Variants in TMEM131L observed in about 807,000 individuals in gnomAD.
TMEM131L encodes transmembrane protein 131-like.
In TMEM131L, 54 loss-of-function variants were observed where a neutral mutation model predicts 192.2. The observed-to-expected ratio is 0.28, with a 90% CI of 0.23 to 0.35. TMEM131L has a LOEUF of 0.35. Ranked by LOEUF, TMEM131L falls within the 10% of genes least tolerant of loss-of-function variation. The pLI is 1.00. For synonymous variants in TMEM131L, 701 were observed against 704.9 expected (o/e 0.99, Z 0.09); for missense variants, 1,888 against 1,972.9 (o/e 0.96, Z 0.82).
intron 3 of TMEM131L, among the ~76,000 whole-genome samples, chr4:153,548,392 C>T (rs916847459): frequency 1.3e-5 from 2 of 152,152 alleles, no homozygotes; most frequent in Non-Finnish European, 2.9e-5. Flanking sequence ...GCAAGCTCTG[C>T]GTCCCGGGTT....
At chr4:153,574,455 T>C (rs2150657012) in intron 7 of TMEM131L, among the ~76,000 whole-genome samples, 1 of 152,192 alleles carries the variant, frequency 6.6e-6, no homozygotes, top group Non-Finnish European at 1.5e-5. Flanking sequence ...AGAATCTGAG[T>C]GTTATGTGGA....
intron 13 of TMEM131L, 142 bp from the exon 14 acceptor site, chr4:153,586,067 A>C (rs1004164917): frequency 2.6e-5 from 15 of 567,642 alleles, no homozygotes; most frequent in Non-Finnish European, 4.2e-5. Context: ...TTCTATAAAA[A>C]TATTCCAACT....
intron 3 of TMEM131L, among the ~76,000 whole-genome samples, chr4:153,480,169 C>G (rs1433888160): frequency 6.6e-6 from 1 of 152,188 alleles, no homozygotes; most frequent in Non-Finnish European, 1.5e-5. Flanking sequence ...GAAACCCCGT[C>G]TCTACTAAAA....
At chr4:153,548,004 A>T (rs1056691494) in intron 3 of TMEM131L, among the ~76,000 whole-genome samples, 4 of 149,010 alleles carry the variant, frequency 2.7e-5, no homozygotes, top group Non-Finnish European at 4.4e-5. Context: ...TATTTTTGGT[A>T]CATGAAGTTG....
At chr4:153,612,164 T>C (rs1732665299) in intron 25 of TMEM131L, 88 bp from the exon 26 acceptor site, 2 of 941,200 alleles carry the variant, frequency 2.1e-6, no homozygotes, top group Non-Finnish European at 3.1e-6. Context: ...TCTCATGAAG[T>C]CAAATTAGAT....
At chr4:153,487,694 G>A (rs1732439207) in intron 3 of TMEM131L, among the ~76,000 whole-genome samples, 1 of 71,950 alleles carries the variant, frequency 1.4e-5, no homozygotes, top group Non-Finnish European at 2.3e-5. Context: ...CTGCACAGGC[G>A]TGTGTGTGTG....
At chr4:153,571,211 C>T (rs934764318) in intron 7 of TMEM131L, among the ~76,000 whole-genome samples, 2 of 152,190 alleles carry the variant, frequency 1.3e-5, no homozygotes, top group East Asian at 3.8e-4. Context: ...GAGATACTCT[C>T]CTGTCAGCCC....
At chr4:153,495,268 C>A (rs561447339) in intron 3 of TMEM131L, among the ~76,000 whole-genome samples, 1 of 151,860 alleles carries the variant, frequency 6.6e-6, no homozygotes, top group East Asian at 1.9e-4. Context: ...TGCAGTGACC[C>A]GAGATTGTGC....
chr4:153,525,777 C>T (rs559932809), intron 3 of TMEM131L, among the ~76,000 whole-genome samples: 2 of 152,342 alleles, frequency 1.3e-5, no homozygotes, highest in African/African-American at 4.8e-5. Flanking sequence ...GCACAGGAAT[C>T]ATCGAGGGAT....
rs765518186 is a variant in TMEM131L at position 153,602,721 on chromosome 4, T to G, written c.2633T>G (p.Phe878Cys). The stretch of plus-strand genomic sequence containing the variant: ...TCATTTTGGAGGCTCACGGTCTTCT[T>G]TGTCAGGTAAACCACTACTGTCTCC... ...EESFWRLTVF[F>C]VSLSLLGVIL... The change falls in exon 23 of 35, where the codon TTT (phenylalanine) becomes TGT (cysteine). Residue 878 changes from phenylalanine (F) to cysteine (C), a missense_variant. Transcript: ENST00000409959. The G allele has an allele frequency of 1.9e-6, 3 of 1,613,798 alleles. No homozygotes were observed. Among genetic ancestry groups the G allele is most frequent in the Non-Finnish European group, 2.5e-6 (3 of 1,179,862 alleles).
At chr4:153,476,767 A>C (rs1359027686) in intron 3 of TMEM131L, among the ~76,000 whole-genome samples, 2 of 152,224 alleles carry the variant, frequency 1.3e-5, no homozygotes, top group African/African-American at 4.8e-5. Flanking sequence ...TTCATGGAGG[A>C]AAAGGAACAA....
intron 11 of TMEM131L, among the ~76,000 whole-genome samples, chr4:153,584,277 C>T (rs1462078319): frequency 1.3e-5 from 2 of 152,132 alleles, no homozygotes; most frequent in Admixed American, 6.5e-5. Context: ...TAACAGCTGC[C>T]TCCTCCAAGA....
At chr4:153,493,992 C>A (rs1281109589) in intron 3 of TMEM131L, among the ~76,000 whole-genome samples, 1 of 152,026 alleles carries the variant, frequency 6.6e-6, no homozygotes, top group African/African-American at 2.4e-5. Flanking sequence ...TGACAGAATC[C>A]TTTTTTTAAT....
chr4:153,520,390 T>G (rs7684531), intron 3 of TMEM131L, among the ~76,000 whole-genome samples: 29,269 of 151,954 alleles, frequency 0.19, 4,919 homozygotes, highest in African/African-American at 0.44. Flanking sequence ...GGATAGCTGA[T>G]CACTGGAGGT....
chr4:153,528,711 A>G (rs955110212), intron 3 of TMEM131L, among the ~76,000 whole-genome samples: 1 of 152,218 alleles, frequency 6.6e-6, no homozygotes, highest in Non-Finnish European at 1.5e-5. Context: ...CAAAGCAGGT[A>G]CAGCGTATGC....
At chr4:153,611,967 A>G (rs1243708273) in intron 25 of TMEM131L, among the ~76,000 whole-genome samples, 1 of 152,034 alleles carries the variant, frequency 6.6e-6, no homozygotes, top group African/African-American at 2.4e-5. Flanking sequence ...GACACTTGGC[A>G]TTTTCCCACC....
intron 29 of TMEM131L, among the ~76,000 whole-genome samples, chr4:153,624,962 C>T (rs745975184): frequency 2.0e-5 from 3 of 152,198 alleles, no homozygotes; most frequent in Non-Finnish European, 2.9e-5. Context: ...AGCAGTTCTC[C>T]GCGTTTTCAG....
chr4:153,497,544 A>T (rs1733263650), intron 3 of TMEM131L, among the ~76,000 whole-genome samples: 1 of 152,092 alleles, frequency 6.6e-6, no homozygotes, highest in Non-Finnish European at 1.5e-5. Context: ...GTACCAGGAG[A>T]GTTATATTGA....
In TMEM131L at chr4:153,550,116, C is replaced by A; in HGVS notation, c.283C>A (p.Pro95Thr). The change falls in exon 4 of 35, where the codon CCA becomes ACA. Residue 95 changes from proline (P) to threonine (T), a missense_variant. Physicochemically the swap from Pro to Thr is conservative, Grantham distance 38. Transcript: ENST00000409959. ...LFSGKGLHFQ[P>T]SVLDFGIQFL... ...TAGTGGAAAAGGCTTACATTTTCAGCCATCAGTTTTAGATTTTGGAATACA... is the reference window on the plus strand; with the variant it reads ...TAGTGGAAAAGGCTTACATTTTCAGACATCAGTTTTAGATTTTGGAATACA... 2 of 1,483,266 alleles carry A rather than the reference C, an allele frequency of 1.3e-6. No homozygotes were observed. Among genetic ancestry groups the A allele is most frequent in the South Asian group, 1.3e-5 (1 of 74,298 alleles). The allele number at this position is 1,483,266 out of a possible 1,614,324, so 91.9% of individuals were successfully genotyped here.
Sources: allele counts gnomAD v4.1 joint callset (sites outside exome capture counted in the v4.1 genomes callset), GRCh38; gene constraint gnomAD v4.1.1; transcripts MANE v1.5; gene names NCBI Gene and HGNC (gene_info 2026-07-23, HGNC 2026-07-21).